PLCG2: variants seen among roughly 807,000 people sequenced by gnomAD.
PLCG2 encodes phospholipase C gamma 2.
In PLCG2, 69 loss-of-function variants were observed where a neutral mutation model predicts 175.6. That is an observed-to-expected ratio of 0.39 (90% confidence interval 0.32 to 0.48). The LOEUF (loss-of-function observed/expected upper bound fraction) is 0.48. PLCG2 is among the 20% of genes least tolerant of loss of function. PLCG2 has a pLI of 0.91. For missense variants in PLCG2, 1,798 were observed against 1,650.9 expected (o/e 1.09, Z -1.54); for synonymous variants, 827 against 624.0 (o/e 1.33, Z -4.85).
At chr16:81,908,394 C>T (rs1909470481) in intron 16 of PLCG2, 22 bp from the exon 17 acceptor site, 6 of 1,607,900 alleles carry the variant, frequency 3.7e-6, no homozygotes, top group African/African-American at 1.3e-5. Context: ...TTTCAGAAAC[C>T]CCTCCTCTCT....
At chr16:81,863,441 ACTT>A (rs1168285816) in intron 5 of PLCG2, among the ~76,000 whole-genome samples, 2 of 152,226 alleles carry the variant, frequency 1.3e-5, no homozygotes, top group Non-Finnish European at 2.9e-5. Context: ...TTGCTTATCT[ACTT>A]CTCCATCGAT....
intron 2 of PLCG2, among the ~76,000 whole-genome samples, chr16:81,802,226 C>T (rs1316765972): frequency 6.7e-6 from 1 of 148,182 alleles, no homozygotes; most frequent in East Asian, 2.0e-4. Flanking sequence ...CATTCTCTTG[C>T]CTCAGCCTCC....
intron 30 of PLCG2, among the ~76,000 whole-genome samples, chr16:81,943,127 T>C (rs4520828): frequency 0.99 from 151,035 of 152,278 alleles, 74,916 homozygotes; most frequent in East Asian, 1. Flanking sequence ...CCTCCCGGAA[T>C]GCCATGGAGC....
At chr16:81,901,299 G>C (rs1173770338) in intron 14 of PLCG2, among the ~76,000 whole-genome samples, 2 of 152,184 alleles carry the variant, frequency 1.3e-5, no homozygotes, top group Non-Finnish European at 2.9e-5. Context: ...CAGGGGAGAT[G>C]GGTGATTATA....
chr16:81,788,182 G>C (rs1911068256), intron 2 of PLCG2, among the ~76,000 whole-genome samples: 1 of 152,174 alleles, frequency 6.6e-6, no homozygotes, highest in Non-Finnish European at 1.5e-5. Context: ...ATTCCTTCCA[G>C]TGGTAGAAAA....
intron 1 of PLCG2, among the ~76,000 whole-genome samples, chr16:81,751,604 AAG>A (rs1296015421): frequency 1.3e-5 from 2 of 152,204 alleles, no homozygotes; most frequent in African/African-American, 4.8e-5. Flanking sequence ...CAAAATTGCT[AAG>A]AGAGTAAATT....
chr16:81,924,721 A>G (rs1317909724), intron 22 of PLCG2, among the ~76,000 whole-genome samples: 2 of 152,270 alleles, frequency 1.3e-5, no homozygotes, highest in African/African-American at 4.8e-5. Context: ...CACAGAATCA[A>G]AGATGCAGCC....
At chr16:81,938,742 C>A (rs1026335933) in intron 28 of PLCG2, 59 bp from the exon 29 acceptor site, 1 of 1,006,864 alleles carries the variant, frequency 9.9e-7, no homozygotes, top group African/African-American at 1.6e-5. Context: ...CTGCAATCCA[C>A]GCTAGGCTGC....
chr16:81,906,320 C>G (rs1023053687), intron 15 of PLCG2: 4 of 152,248 alleles, frequency 2.6e-5, no homozygotes, highest in Non-Finnish European at 5.9e-5. Flanking sequence ...GACTTTAATG[C>G]TGCCTCTATC....
At chr16:81,909,507 C>T (rs1204635980) in intron 17 of PLCG2, among the ~76,000 whole-genome samples, 2 of 152,162 alleles carry the variant, frequency 1.3e-5, no homozygotes, top group Non-Finnish European at 2.9e-5. Flanking sequence ...GCCTCAAACT[C>T]CTGGGCTCAA....
At chr16:81,897,708 G>A (rs1210199538) in intron 13 of PLCG2, among the ~76,000 whole-genome samples, 1 of 151,938 alleles carries the variant, frequency 6.6e-6, no homozygotes, top group East Asian at 1.9e-4. Context: ...ATCATGCCCG[G>A]CTAATTTGTG....
intron 2 of PLCG2, among the ~76,000 whole-genome samples, chr16:81,853,223 C>T (rs553800109): frequency 6.6e-6 from 1 of 152,192 alleles, no homozygotes; most frequent in East Asian, 1.9e-4. Flanking sequence ...CCCAGCTACT[C>T]CTGAGGCTCA....
rs149516701 is a variant in PLCG2 at position 81,816,976 on chromosome 16, G to A, written c.193+30794G>A. ...CTGGGCTTTTTTTCCTATGCCCATT[G>A]CACAGTTACCCATTTATTGCCCAGA... On this transcript the variant is annotated intron_variant, in intron 2 of 32. Transcript: ENST00000564138. Among the ~76,000 whole-genome samples, 2 of 152,116 alleles carry A rather than the reference G, an allele frequency of 1.3e-5. 1 individual carries two copies. The highest frequency in any genetic ancestry group is 4.8e-5 in the African/African-American group (2 of 41,414).
In PLCG2 at chr16:81,938,813, C is replaced by T. The variant is rs758678624; in HGVS notation, c.3211C>T (p.Arg1071Cys). The T allele has an allele frequency of 1.2e-6, 2 of 1,610,344 alleles. No individual in the cohort carries two copies. The highest frequency in any genetic ancestry group is 8.5e-7 in the Non-Finnish European group (1 of 1,177,730). Reference sequence around the variant, plus strand: ...TTTGGTGTCCCAGGTTCTCGGTGCTCGCCATCTCCCCAAACTTGGACGAAG... The same window carrying T: ...TTTGGTGTCCCAGGTTCTCGGTGCTTGCCATCTCCCCAAACTTGGACGAAG... Reference protein sequence around the residue: ...MTLTVKVLGARHLPKLGRSIA... With the variant: ...MTLTVKVLGACHLPKLGRSIA... Residue 1071 changes from arginine to cysteine, a missense_variant, in exon 29 of 33, where the codon CGC becomes TGC. Transcript: ENST00000564138.
chr16:81,784,377 C>T (rs77145154), intron 1 of PLCG2, among the ~76,000 whole-genome samples: 4,725 of 152,290 alleles, frequency 0.031, 111 homozygotes, highest in Non-Finnish European at 0.049. Context: ...TCCCAGCTGC[C>T]CCTTGTGGGC....
At chr16:81,947,148 G>C (rs1461730972) in intron 31 of PLCG2, among the ~76,000 whole-genome samples, 1 of 152,202 alleles carries the variant, frequency 6.6e-6, no homozygotes, top group African/African-American at 2.4e-5. Context: ...AATAATTTAA[G>C]TGATTAGGTA....
chr16:81,764,944 C>G (rs546942003), intron 2 of PLCG2, among the ~76,000 whole-genome samples: 1 of 151,816 alleles, frequency 6.6e-6, no homozygotes, highest in Non-Finnish European at 1.5e-5. Context: ...AAAAAATTAG[C>G]CGGGCATAGT....
chr16:81,913,536 C>T (rs528815211), intron 19 of PLCG2, among the ~76,000 whole-genome samples: 214 of 152,380 alleles, frequency 1.4e-3, no homozygotes, highest in African/African-American at 4.9e-3. Flanking sequence ...AAGCTCTTCA[C>T]TCCAGAGTCT....
In PLCG2 at chr16:81,883,350, A is replaced by G. The variant is rs775933224; in HGVS notation, c.765+9A>G. ...TCATACATGAACAGCAGGTGAGAGCACAAGGTGTGTGGGTGCCTGAGGGAG... is the reference window on the plus strand; with the variant it reads ...TCATACATGAACAGCAGGTGAGAGCGCAAGGTGTGTGGGTGCCTGAGGGAG... On this transcript the variant is annotated intron_variant, in intron 9 of 32. Transcript: ENST00000564138. 1.3e-5 allele frequency: 21 copies of G among 1,612,412 alleles called. No homozygotes were observed. In the South Asian group the frequency reaches 2.1e-4, roughly 16 times the overall value.
Sources: gnomAD v4.1 joint callset for allele counts (sites outside exome capture counted in the v4.1 genomes callset) on GRCh38, gnomAD v4.1.1 for gene constraint, MANE v1.5 for transcripts, NCBI Gene and HGNC (gene_info 2026-07-23, HGNC 2026-07-21) for gene names.